SEMA6D: variants seen among roughly 807,000 people sequenced by gnomAD.
SEMA6D encodes semaphorin-6D.
In SEMA6D, 35 loss-of-function variants were observed where a neutral mutation model predicts 106.6. That is an observed-to-expected ratio of 0.33 (90% confidence interval 0.25 to 0.44). The LOEUF is 0.44. SEMA6D is among the 20% of genes least tolerant of loss of function. SEMA6D has a pLI of 1.00. For synonymous variants in SEMA6D, 499 were observed against 487.7 expected (o/e 1.02, Z -0.31); for missense variants, 1,185 against 1,345.9 (o/e 0.88, Z 1.87).
rs201143803 is a variant in SEMA6D at position 47,640,075 on chromosome 15, G to GA, written c.-55+39181dup. 5.9e-3 allele frequency among the ~76,000 whole-genome samples: 901 copies of GA among 152,286 alleles called. 10 individuals carry two copies. The highest frequency in any genetic ancestry group is 0.021 in the African/African-American group (853 of 41,564). ...TAGGATGTTAATAATAGGAGACACTGAATGCAGGGGTATTTGGGAAGTCTC... is the reference window on the plus strand; with the variant it reads ...TAGGATGTTAATAATAGGAGACACTGAAATGCAGGGGTATTTGGGAAGTCTC... On this transcript the variant is annotated intron_variant, in intron 4 of 19. Transcript: ENST00000558014.
intron 2 of SEMA6D, among the ~76,000 whole-genome samples, chr15:47,466,388 A>G (rs543073273): frequency 4.6e-4 from 70 of 152,260 alleles, no homozygotes; most frequent in Middle Eastern, 3.4e-3. Context: ...GTTTCTACCT[A>G]TAGGTGAGAT....
chr15:47,465,101 G>A (rs1281108583), intron 2 of SEMA6D, among the ~76,000 whole-genome samples: 1 of 152,140 alleles, frequency 6.6e-6, no homozygotes, highest in Non-Finnish European at 1.5e-5. Flanking sequence ...GCCTTGCACA[G>A]CACCTAGAAC....
At chr15:47,226,706 T>G (rs1479025607) in intron 1 of SEMA6D, among the ~76,000 whole-genome samples, 1 of 152,026 alleles carries the variant, frequency 6.6e-6, no homozygotes, top group Non-Finnish European at 1.5e-5. Flanking sequence ...TAGTAAATAG[T>G]GTCAGAAACA....
chr15:47,283,435 A>C (rs2035220800), intron 1 of SEMA6D, among the ~76,000 whole-genome samples: 1 of 152,120 alleles, frequency 6.6e-6, no homozygotes. Context: ...TTTCCGTTGG[A>C]GGTTTTGGTG....
chr15:47,450,150 C>T (rs1305819287), intron 2 of SEMA6D, among the ~76,000 whole-genome samples: 3 of 152,110 alleles, frequency 2.0e-5, no homozygotes, highest in Non-Finnish European at 4.4e-5. Context: ...AAGGTGGGCT[C>T]ACATTAAATG....
intron 4 of SEMA6D, among the ~76,000 whole-genome samples, chr15:47,633,327 A>G (rs1237910791): frequency 1.3e-5 from 2 of 152,092 alleles, no homozygotes; most frequent in Non-Finnish European, 2.9e-5. Context: ...TTCTAACAGC[A>G]AATTATCTTA....
intron 1 of SEMA6D, among the ~76,000 whole-genome samples, chr15:47,314,504 A>G (rs928349311): frequency 7.0e-6 from 1 of 142,564 alleles, no homozygotes; most frequent in African/African-American, 2.5e-5. Flanking sequence ...AGGCTGAGGC[A>G]GGAGAATGGC....
At chr15:47,210,857 T>C (rs953831772) in intron 1 of SEMA6D, among the ~76,000 whole-genome samples, 1 of 151,196 alleles carries the variant, frequency 6.6e-6, no homozygotes, top group Non-Finnish European at 1.5e-5. Flanking sequence ...TCGGTAATAC[T>C]AAAAGTCGTT....
At chr15:47,731,531 T>C (rs1473690234) in intron 1 of SEMA6D, among the ~76,000 whole-genome samples, 1 of 152,160 alleles carries the variant, frequency 6.6e-6, no homozygotes, top group Non-Finnish European at 1.5e-5. Context: ...GCATGGTCTT[T>C]GTACAGGTTG....
intron 1 of SEMA6D, chr15:47,730,834 C>G (rs1032578300): frequency 2.7e-6 from 4 of 1,476,736 alleles, no homozygotes; most frequent in African/African-American, 1.4e-5. Context: ...ATTCTTAGGC[C>G]TTTGCTCAAA....
In SEMA6D at chr15:47,717,612, T is replaced by C. The variant is rs1171794325; in HGVS notation, c.-135T>C. 2 of 152,166 alleles carry C rather than the reference T, an allele frequency of 1.3e-5. No individual in the cohort carries two copies. Among genetic ancestry groups the C allele is most frequent in the Non-Finnish European group, 2.9e-5 (2 of 68,118 alleles). The allele number at this position is 152,166 out of a possible 1,614,324, so 9.4% of individuals were successfully genotyped here. The stretch of plus-strand genomic sequence containing the variant: ...AGGGATATCTATTTTTACAATATTT[T>C]TCTTTATTTTCTTTCTTCCTTGCGC... On this transcript the variant is annotated 5_prime_UTR_variant, in exon 1 of 19. Transcript: ENST00000536845.
At chr15:47,317,136 G>A (rs1159545) in intron 1 of SEMA6D, among the ~76,000 whole-genome samples, 150,637 of 152,302 alleles carry the variant, frequency 0.99, 74,503 homozygotes, top group Middle Eastern at 1. Flanking sequence ...AAGTTTTGGC[G>A]AATTGTGTCT....
intron 1 of SEMA6D, among the ~76,000 whole-genome samples, chr15:47,290,595 A>C (rs1022058007): frequency 6.8e-6 from 1 of 147,678 alleles, no homozygotes; most frequent in Admixed American, 6.9e-5. Flanking sequence ...TAATTACTAC[A>C]AATATATAAC....
At chr15:47,565,171 G>A (rs1013707417) in intron 3 of SEMA6D, among the ~76,000 whole-genome samples, 3 of 152,230 alleles carry the variant, frequency 2.0e-5, no homozygotes, top group Non-Finnish European at 2.9e-5. Flanking sequence ...AGAGCTAAAA[G>A]AGCACCGTAA....
chr15:47,367,945 G>T (rs1394750482), intron 1 of SEMA6D, among the ~76,000 whole-genome samples: 1 of 144,114 alleles, frequency 6.9e-6, no homozygotes, highest in Non-Finnish European at 1.5e-5. Flanking sequence ...GAGACCAAGG[G>T]CCCCCTGTGG....
intron 2 of SEMA6D, among the ~76,000 whole-genome samples, chr15:47,470,007 A>G (rs2042784659): frequency 6.9e-6 from 1 of 145,016 alleles, no homozygotes. Flanking sequence ...ACATATAAAT[A>G]CAAATGCAAT....
chr15:47,239,135 G>A (rs570921760), intron 1 of SEMA6D, among the ~76,000 whole-genome samples: 1 of 152,252 alleles, frequency 6.6e-6, no homozygotes, highest in East Asian at 1.9e-4. Context: ...TGGCATTGGA[G>A]TCTCATAGGA....
intron 1 of SEMA6D, among the ~76,000 whole-genome samples, chr15:47,758,725 CA>C (rs953001395): frequency 3.9e-5 from 6 of 152,084 alleles, no homozygotes; most frequent in Non-Finnish European, 7.4e-5. Flanking sequence ...TCCATTTCCC[CA>C]AAAAGTTTTT....
intron 1 of SEMA6D, chr15:47,338,938 C>T: frequency 6.6e-6 from 1 of 152,180 alleles, no homozygotes; most frequent in East Asian, 1.9e-4. Flanking sequence ...AGGAATGCTA[C>T]ATAGAAAGGA....
Sources: allele counts gnomAD v4.1 joint callset (sites outside exome capture counted in the v4.1 genomes callset), GRCh38; gene constraint gnomAD v4.1.1; transcripts MANE v1.5; gene names NCBI Gene and HGNC (gene_info 2026-07-23, HGNC 2026-07-21).